Variants in MAP3K5 observed in about 807,000 individuals in gnomAD.
The protein encoded by MAP3K5 is mitogen-activated protein kinase kinase kinase 5, also known as ASK-1.
In MAP3K5, 56 loss-of-function variants were observed where a neutral mutation model predicts 158.7. That is an observed-to-expected ratio of 0.35 (90% confidence interval 0.28 to 0.44). The LOEUF (loss-of-function observed/expected upper bound fraction) is 0.44. MAP3K5 is among the 20% of genes least tolerant of loss of function. The pLI is 1.00. For missense variants in MAP3K5, 1,294 were observed against 1,674.8 expected (o/e 0.77, Z 3.97); for synonymous variants, 579 against 601.7 (o/e 0.96, Z 0.55).
At chr6:136,572,769 T>C (rs1774428558) in intron 25 of MAP3K5, among the ~76,000 whole-genome samples, 1 of 152,238 alleles carries the variant, frequency 6.6e-6, no homozygotes, top group Non-Finnish European at 1.5e-5. Flanking sequence ...TGGTCTTTCA[T>C]GGTGGTTCCC....
chr6:136,639,145 G>C (rs1777795523), intron 13 of MAP3K5, among the ~76,000 whole-genome samples: 1 of 151,996 alleles, frequency 6.6e-6, no homozygotes. Flanking sequence ...AAGCCTACCA[G>C]GTGGATCTAA....
chr6:136,792,023 C>T lies in MAP3K5; in HGVS notation c.135G>A (p.Gln45=), dbSNP rs774755273. 8 of 1,575,876 alleles carry T rather than the reference C, an allele frequency of 5.1e-6. No individual in the cohort carries two copies. In the East Asian group the frequency reaches 9.2e-5, roughly 18 times the overall value. Residue 45 remains glutamine, a synonymous_variant, in exon 1 of 30, where the codon CAG becomes CAA. Transcript: ENST00000359015. This position sits in a 1 kb window ranked among gnomAD's most constrained non-coding sequence, Gnocchi z 5.7. ...AGCTGCCCGGCGGCGGCGGTGGCAG[C>T]TGGTGCTCCTCGCCCTCGCCCACCG... The part of the protein sequence containing the change: ...AAAVGEGEEH[Q]LPPPPPGSFW...
intron 1 of MAP3K5, among the ~76,000 whole-genome samples, chr6:136,760,427 C>T (rs1177364623): frequency 6.6e-6 from 1 of 152,146 alleles, no homozygotes; most frequent in Non-Finnish European, 1.5e-5. Context: ...CTAAATAAAG[C>T]TCTTACATGA....
At chr6:136,558,676 AAG>A (rs2129067110) in intron 29 of MAP3K5, 122 bp downstream of exon 29, 1 of 603,146 alleles carries the variant, frequency 1.7e-6, no homozygotes, top group African/African-American at 1.9e-5. Context: ...CAGAGCAGCT[AAG>A]AGCTAGAGAG....
chr6:136,757,575 A>ATT (rs1266911449), intron 1 of MAP3K5, among the ~76,000 whole-genome samples: 38 of 111,294 alleles, frequency 3.4e-4, no homozygotes, highest in African/African-American at 9.2e-4. Context: ...AGATTTATTT[A>ATT]TTTATTTTTT....
At chr6:136,590,544 CTTT>C (rs755166871) in intron 23 of MAP3K5, among the ~76,000 whole-genome samples, 5 of 142,378 alleles carry the variant, frequency 3.5e-5, no homozygotes, top group Admixed American at 7.0e-5. Context: ...TTTTCTTTTT[CTTT>C]TTTTTTTTTT....
At chr6:136,696,403 T>C (rs1780601827) in intron 5 of MAP3K5, among the ~76,000 whole-genome samples, 1 of 152,214 alleles carries the variant, frequency 6.6e-6, no homozygotes, top group Admixed American at 6.5e-5. Context: ...GTTCTAACAA[T>C]TTCAGGGAAA....
chr6:136,592,852 A>G, intron 21 of MAP3K5: 4 of 577,568 alleles, frequency 6.9e-6, no homozygotes, highest in African/African-American at 1.8e-5. Context: ...TCTCTGGGGT[A>G]CCAAAACAGT....
intron 15 of MAP3K5, among the ~76,000 whole-genome samples, chr6:136,615,493 C>T (rs992645637): frequency 1.3e-5 from 2 of 152,130 alleles, no homozygotes; most frequent in Admixed American, 6.5e-5. Flanking sequence ...TGGCTATCAT[C>T]TCTCTCCTGA....
intron 21 of MAP3K5, among the ~76,000 whole-genome samples, chr6:136,594,731 G>A (rs1400329709): frequency 6.6e-6 from 1 of 152,170 alleles, no homozygotes; most frequent in Non-Finnish European, 1.5e-5. Flanking sequence ...TGTTTCTTGG[G>A]AGTAAAGAGA....
intron 20 of MAP3K5, 83 bp downstream of exon 20, chr6:136,601,715 GGTTA>G (rs1775883328): frequency 1.7e-6 from 2 of 1,156,210 alleles, no homozygotes; most frequent in African/African-American, 1.5e-5. Context: ...TCTGTAAACA[GGTTA>G]GTTTACTTCC....
chr6:136,628,695 A>C (rs1456364647), intron 14 of MAP3K5, among the ~76,000 whole-genome samples: 1 of 152,240 alleles, frequency 6.6e-6, no homozygotes, highest in Non-Finnish European at 1.5e-5. Context: ...AGAAGATTAG[A>C]TATAGAAGCT....
intron 1 of MAP3K5, among the ~76,000 whole-genome samples, chr6:136,771,037 C>T (rs779091142): frequency 6.6e-6 from 1 of 152,134 alleles, no homozygotes; most frequent in Non-Finnish European, 1.5e-5. Context: ...AGGAACTAGA[C>T]ATGGAAACCA....
At position 136,651,065 on chromosome 6, in the gene MAP3K5, G is replaced by A. The variant is rs1352093157; in HGVS notation, c.1707C>T (p.Ile569=). Residue 569 remains isoleucine, a synonymous_variant, in exon 11 of 30, where the codon ATC becomes ATT. Coordinates refer to ENST00000359015, the MANE Select transcript of MAP3K5 (RefSeq NM_005923.4). Reference sequence around the variant, plus strand: ...TGATAGACAAATAAGAAGGTTGATAGATTTTGGTTGGTTCTAATATTAATA... The same window carrying A: ...TGATAGACAAATAAGAAGGTTGATAAATTTTGGTTGGTTCTAATATTAATA... The part of the protein sequence containing the change: ...FPVLILEPTK[I]YQPSYLSINN... 4 of 1,608,446 alleles carry A rather than the reference G, an allele frequency of 2.5e-6. No individual in the cohort carries two copies. The highest frequency in any genetic ancestry group is 1.7e-5 in the Admixed American group (1 of 59,774).
At chr6:136,731,665 AG>A (rs1421292348) in intron 1 of MAP3K5, among the ~76,000 whole-genome samples, 2 of 152,156 alleles carry the variant, frequency 1.3e-5, no homozygotes, top group Non-Finnish European at 2.9e-5. Context: ...AGGGGAGGTG[AG>A]GGACAAATTT....
Position 136,659,265 on chromosome 6 carries a change from C to T in MAP3K5, c.1480G>A (p.Val494Ile). ...ASVLANDHMR[V>I]IQASEKLFKL... ...AAAAGCTTTTCAGATGCTTGAATGA[C>T]TCTCATGTGGTCATTGGCTAGGACG... The change falls in exon 9 of 30, where the codon GTC becomes ATC. Residue 494 changes from valine (V) to isoleucine (I), a missense_variant. Physicochemically the swap from Val to Ile is conservative, Grantham distance 29. Coordinates refer to ENST00000359015, the MANE Select transcript of MAP3K5 (RefSeq NM_005923.4). 6.2e-7 allele frequency: 1 copy of T among 1,614,100 alleles called. No individual in the cohort carries two copies. The highest frequency in any genetic ancestry group is 1.1e-5 in the South Asian group (1 of 91,068).
chr6:136,682,870 G>A (rs750352823), intron 7 of MAP3K5, among the ~76,000 whole-genome samples: 2 of 152,026 alleles, frequency 1.3e-5, no homozygotes, highest in Non-Finnish European at 2.9e-5. Flanking sequence ...CAGGGCCTGT[G>A]TAAAAATTAT....
At chr6:136,603,793 C>T (rs972395878) in intron 19 of MAP3K5, among the ~76,000 whole-genome samples, 6 of 152,224 alleles carry the variant, frequency 3.9e-5, no homozygotes, top group Admixed American at 3.9e-4. Flanking sequence ...AAGACATCCA[C>T]TCATGGCAAG....
intron 8 of MAP3K5, among the ~76,000 whole-genome samples, chr6:136,660,884 G>C (rs1358115486): frequency 6.6e-6 from 1 of 151,590 alleles, no homozygotes; most frequent in Non-Finnish European, 1.5e-5. Context: ...CAGTAGAGAT[G>C]CAAATTTCTG....
Sources: gnomAD v4.1 joint callset for allele counts (sites outside exome capture counted in the v4.1 genomes callset) on GRCh38, gnomAD v4.1.1 for gene constraint, Gnocchi (gnomAD v3.1) non-coding constraint, MANE v1.5 for transcripts, NCBI Gene and HGNC (gene_info 2026-07-23, HGNC 2026-07-21) for gene names.